The following CDH15 variants were observed in gnomAD, a reference collection of about 807,000 sequenced individuals.
CDH15 encodes the protein cadherin-15.
CDH15 carries 73 observed loss-of-function variants against 69.4 expected under a neutral mutation model. The observed-to-expected ratio is 1.05, with a 90% CI of 0.87 to 1.28. The LOEUF (loss-of-function observed/expected upper bound fraction) is 1.28, where lower values mean the gene tolerates loss of function less well. CDH15 is among the 50% of genes most tolerant of loss of function. The pLI is 0.00. For missense variants in CDH15, 1,343 were observed against 1,133.6 expected (o/e 1.18, Z -2.65); for synonymous variants, 624 against 507.7 (o/e 1.23, Z -3.08).
chr16:89,193,394 C>G, intron 11 of CDH15, 76 bp from the exon 12 acceptor site: 1 of 1,090,486 alleles, frequency 9.2e-7, no homozygotes, highest in Non-Finnish European at 1.3e-6. Flanking sequence ...GCCCCCTCCT[C>G]CCACCTCCTT....
chr16:89,184,784 GC>G (rs1334400965), intron 4 of CDH15, among the ~76,000 whole-genome samples: 3 of 152,118 alleles, frequency 2.0e-5, no homozygotes, highest in Admixed American at 2.0e-4. Context: ...GCTCCTGGAG[GC>G]CCCCGCTAGC....
Position 89,195,449 on chromosome 16 carries a change from C to T in CDH15, c.*294C>T. 1 of 473,468 alleles carries T rather than the reference C, an allele frequency of 2.1e-6. No individual in the cohort carries two copies. Among genetic ancestry groups the T allele is most frequent in the South Asian group, 3.5e-5 (1 of 28,408 alleles). The allele number at this position is 473,468 out of a possible 1,614,324, so 29.3% of individuals were successfully genotyped here. A position where few individuals can be genotyped will look rare whatever the true frequency, so the allele number is the denominator to read the frequency against. On this transcript the variant is annotated 3_prime_UTR_variant, in exon 14 of 14. Transcript: ENST00000289746. ...ATCTTTGTATGAAAGACAGCAACCT[C>T]CTGGGTAAATCTGAATGAAAAACGT...
chr16:89,194,267 C>G (rs901473519), intron 13 of CDH15, among the ~76,000 whole-genome samples: 4 of 152,144 alleles, frequency 2.6e-5, no homozygotes, highest in Admixed American at 1.3e-4. Flanking sequence ...CATAGAAGAC[C>G]CTCTGGACAC....
chr16:89,177,731 G>T (rs1018990456), intron 1 of CDH15, among the ~76,000 whole-genome samples: 1 of 152,166 alleles, frequency 6.6e-6, no homozygotes, highest in South Asian at 2.1e-4. Context: ...CAGCCTGACC[G>T]GGGAGCTCGA....
chr16:89,187,866 G>C (rs756018543), intron 6 of CDH15, among the ~76,000 whole-genome samples: 1 of 152,224 alleles, frequency 6.6e-6, no homozygotes, highest in Non-Finnish European at 1.5e-5. Context: ...GGAGCACGAA[G>C]CTGAGCCCAC....
At chr16:89,193,670 A>G in intron 12 of CDH15, 64 bp downstream of exon 12, 1 of 1,567,136 alleles carries the variant, frequency 6.4e-7, no homozygotes, top group Non-Finnish European at 8.6e-7. Context: ...CCTTCTTACA[A>G]CAAGCTGGCC....
At chr16:89,184,876 G>A (rs903610642) in intron 4 of CDH15, among the ~76,000 whole-genome samples, 2 of 152,230 alleles carry the variant, frequency 1.3e-5, no homozygotes, top group African/African-American at 2.4e-5. Context: ...CGCATCCAAT[G>A]CTCCTGTGCT....
Position 89,183,530 on chromosome 16 carries a change from T to TG in CDH15, c.358-17dup, listed in dbSNP as rs1441419348. 1 of 1,614,012 alleles carries TG rather than the reference T, an allele frequency of 6.2e-7. No homozygotes were observed. The highest frequency in any genetic ancestry group is 8.5e-7 in the Non-Finnish European group (1 of 1,179,990). On this transcript the variant is annotated splice_polypyrimidine_tract_variant and intron_variant, in intron 3 of 13. Coordinates refer to ENST00000289746, the MANE Select transcript of CDH15 (RefSeq NM_004933.3). ...ATTTGGGGGCCACAGAGCCAGCCCTTGCTCTATGTTTGAACAGCTAAGAGC... is the reference window on the plus strand; with the variant it reads ...ATTTGGGGGCCACAGAGCCAGCCCTTGGCTCTATGTTTGAACAGCTAAGAGC...
intron 10 of CDH15, 66 bp from the exon 11 acceptor site, chr16:89,192,139 C>G: frequency 6.8e-7 from 1 of 1,469,158 alleles, no homozygotes; most frequent in Non-Finnish European, 9.0e-7. Context: ...TGTCTCGGCG[C>G]GAGGAGGGCA....
intron 7 of CDH15, among the ~76,000 whole-genome samples, chr16:89,188,832 A>C (rs915592054): frequency 1.1e-5 from 1 of 91,590 alleles, no homozygotes; most frequent in Non-Finnish European, 2.3e-5. Context: ...ATGCCCACGC[A>C]CAGGTGCCCA....
chr16:89,179,566 CT>C lies in CDH15; in HGVS notation c.194del (p.Leu65ArgfsTer56), dbSNP rs1915330704. ...SENHKRLPYP[L>X]VQIKSDKQQL... ...GAACCACAAGCGTCTCCCCTACCCC[CT>C]GGTTCAGGTGAGCAGGTGGAGGGGG... On this transcript the variant is annotated frameshift_variant, in exon 2 of 14. Transcript: ENST00000289746. LOFTEE classifies it high-confidence loss of function. 5 of 1,590,094 alleles carry C rather than the reference CT, an allele frequency of 3.1e-6. No homozygotes were observed. The highest frequency in any genetic ancestry group is 4.3e-6 in the Non-Finnish European group (5 of 1,166,098).
intron 4 of CDH15, 89 bp downstream of exon 4, chr16:89,183,781 G>A: frequency 2.2e-6 from 3 of 1,380,690 alleles, no homozygotes; most frequent in South Asian, 2.6e-5. Context: ...GAATTCCAGA[G>A]GCCCCTCAGA....
intron 1 of CDH15, among the ~76,000 whole-genome samples, chr16:89,173,390 C>T (rs1051827862): frequency 6.6e-6 from 1 of 152,178 alleles, no homozygotes; most frequent in Non-Finnish European, 1.5e-5. Flanking sequence ...GGCTCTGTGG[C>T]AGGTGGGGAG....
At position 89,189,484 on chromosome 16, in the gene CDH15, T is replaced by C. The variant is rs558648863; in HGVS notation, c.979-759T>C. The stretch of plus-strand genomic sequence containing the variant: ...CTGACCAGCTGGGACCTTGTGTTCG[T>C]CCTTGGGTGAGAGAGAGTGGGGGAG... On this transcript the variant is annotated intron_variant, in intron 7 of 13. Transcript: ENST00000289746. Among the ~76,000 whole-genome samples the C allele has an allele frequency of 2.0e-5, 3 of 152,352 alleles. No homozygotes were observed. In the East Asian group the frequency reaches 5.8e-4, roughly 29 times the overall value.
At chr16:89,175,867 A>T (rs182236171) in intron 1 of CDH15, among the ~76,000 whole-genome samples, 28 of 152,330 alleles carry the variant, frequency 1.8e-4, no homozygotes, top group African/African-American at 6.7e-4. Flanking sequence ...CCAGGAGGCC[A>T]TGGAGGAGGG....
rs756248561 is a variant in CDH15, at chr16:89,192,440, G to A, written c.1851G>A (p.Leu617=). The part of the protein sequence containing the change: ...LVIVLASALL[L]LVLVLLVALR... The stretch of plus-strand genomic sequence containing the variant: ...TCGTGCTGGCCAGCGCCCTCCTGCT[G>A]CTGGGTGAGTGAGCGCCCCGCCTCC... The change falls in exon 11 of 14, where the codon CTG becomes CTA. Residue 617 remains leucine (L), a synonymous_variant. Transcript: ENST00000289746. 9 of 1,560,202 alleles carry A rather than the reference G, an allele frequency of 5.8e-6. No individual in the cohort carries two copies. In the Admixed American group the frequency reaches 7.3e-5, roughly 13 times the overall value.
At chr16:89,172,811 AAGAGGGC>A (rs1567769055) in intron 1 of CDH15, among the ~76,000 whole-genome samples, 1 of 152,130 alleles carries the variant, frequency 6.6e-6, no homozygotes, top group Non-Finnish European at 1.5e-5. Context: ...CACTGGGTAC[AAGAGGGC>A]AGCCTCTCTC....
intron 13 of CDH15, among the ~76,000 whole-genome samples, 194 bp downstream of exon 13, chr16:89,194,107 C>T (rs1030511878): frequency 2.6e-5 from 4 of 152,248 alleles, no homozygotes; most frequent in Non-Finnish European, 5.9e-5. Flanking sequence ...AAACTGGGCC[C>T]TCAGCCTCCA....
In CDH15 at chr16:89,190,278, C is replaced by CA. The variant is rs748393817; in HGVS notation, c.1017dup (p.Val340SerfsTer6). The stretch of plus-strand genomic sequence containing the variant: ...ATGAGAGCTGTGAACACTACGAACT[C>CA]AAAGTGTCGGTGCAGAATGAGGCCC... On this transcript the variant is annotated frameshift_variant, in exon 8 of 14. Transcript: ENST00000289746. LOFTEE classifies it high-confidence loss of function. The CA allele has an allele frequency of 3.2e-5, 51 of 1,612,658 alleles. No homozygotes were observed. Among genetic ancestry groups the CA allele is most frequent in the Non-Finnish European group, 4.0e-5 (47 of 1,179,934 alleles).
Sources: gnomAD v4.1 joint callset for allele counts (sites outside exome capture counted in the v4.1 genomes callset) on GRCh38, gnomAD v4.1.1 for gene constraint, MANE v1.5 for transcripts, NCBI Gene and HGNC (gene_info 2026-07-23, HGNC 2026-07-21) for gene names.